Variants in CNST observed in about 807,000 individuals in gnomAD.
CNST encodes the protein consortin.
Under a neutral mutation model 72.4 loss-of-function variants are expected in CNST, and 39 were observed. That is an observed-to-expected ratio of 0.54 (90% CI 0.42 to 0.70). CNST has a LOEUF of 0.70. CNST is among the 30% of genes least tolerant of loss of function. The probability of loss-of-function intolerance (pLI) is 0.00; values close to 1 mark genes in which losing one functional copy is unlikely to be tolerated. For synonymous variants in CNST, 332 were observed against 320.1 expected (o/e 1.04, Z -0.40); for missense variants, 871 against 868.5 (o/e 1.00, Z -0.04).
At chr1:246,605,427 G>T (rs569905462) in intron 2 of CNST, among the ~76,000 whole-genome samples, 5 of 152,368 alleles carry the variant, frequency 3.3e-5, no homozygotes, top group African/African-American at 1.2e-4. Context: ...TCTAATATCA[G>T]TTGGAACCCC....
intron 1 of CNST, among the ~76,000 whole-genome samples, chr1:246,567,591 C>T (rs143775370): frequency 1.8e-3 from 267 of 152,242 alleles, no homozygotes; most frequent in African/African-American, 6.1e-3. Context: ...ATGTATCACC[C>T]AGCAAATAGT....
intron 1 of CNST, among the ~76,000 whole-genome samples, chr1:246,590,488 G>A (rs533237314): frequency 2.0e-5 from 3 of 152,226 alleles, no homozygotes; most frequent in African/African-American, 7.2e-5. Flanking sequence ...TGGGAGAGAG[G>A]AGGGCAGCAG....
intron 2 of CNST, among the ~76,000 whole-genome samples, chr1:246,612,891 T>A (rs369723702): frequency 2.6e-5 from 4 of 152,016 alleles, no homozygotes; most frequent in African/African-American, 7.2e-5. Context: ...TCTCAAAAAA[T>A]ATATATATAA....
rs567901296 is a variant in CNST, at chr1:246,639,017, G to A, written c.819-2732G>A. On this transcript the variant is annotated intron_variant, in intron 6 of 10. Transcript: ENST00000366513. ...GTTGAATAAACTGTTAGGTTGGCAC[G>A]AAGGGATAGTTTTAGGCTTCCAAGG... 9.6e-4 allele frequency among the ~76,000 whole-genome samples: 146 copies of A among 152,272 alleles called. 1 individual carries two copies. The highest frequency in any genetic ancestry group is 2.9e-3 in the African/African-American group (121 of 41,572).
At chr1:246,660,979 G>GTT (rs913341126) in intron 10 of CNST, among the ~76,000 whole-genome samples, 1 of 146,178 alleles carries the variant, frequency 6.8e-6, no homozygotes, top group Non-Finnish European at 1.5e-5. Context: ...TTGTTTTTTT[G>GTT]TTTTTTTTTT....
chr1:246,644,274 A>G (rs1558584596), intron 8 of CNST, among the ~76,000 whole-genome samples: 1 of 151,486 alleles, frequency 6.6e-6, no homozygotes, highest in Non-Finnish European at 1.5e-5. Context: ...CTGTAGTCCC[A>G]GCTGCTGGAG....
At position 246,621,435 on chromosome 1, in the gene CNST, T is replaced by C; in HGVS notation, c.386T>C (p.Phe129Ser). The part of the protein sequence containing the change: ...GTAKKIPPGL[F>S]SGDIAPLMQE... ...TTTTCTTTACTTCTTAAAGGACTTT[T>C]TTCAGGAGATATTGCACCTTTAATG... The change falls in exon 3 of 11, where the codon TTT becomes TCT. Residue 129 changes from phenylalanine to serine, a missense_variant. By Grantham distance (155) the Phe-to-Ser change is radical. Coordinates refer to ENST00000366513, the MANE Select transcript of CNST (RefSeq NM_152609.3). 6.2e-7 allele frequency: 1 copy of C among 1,612,802 alleles called. No homozygotes were observed.
intron 10 of CNST, among the ~76,000 whole-genome samples, chr1:246,662,726 A>G (rs916188823): frequency 2.6e-5 from 4 of 152,220 alleles, no homozygotes; most frequent in Non-Finnish European, 5.9e-5. Context: ...AACCCAGTAC[A>G]TAAAAATTAT....
intron 2 of CNST, among the ~76,000 whole-genome samples, chr1:246,602,208 A>C (rs1187884549): frequency 1.3e-5 from 2 of 152,202 alleles, no homozygotes; most frequent in Non-Finnish European, 2.9e-5. Flanking sequence ...AAAAGCAGAA[A>C]ATTGAAGAAT....
At chr1:246,658,816 G>C (rs1666906721) in intron 9 of CNST, among the ~76,000 whole-genome samples, 1 of 152,182 alleles carries the variant, frequency 6.6e-6, no homozygotes, top group Admixed American at 6.5e-5. Context: ...CCTACAGCTT[G>C]TAGCAATCAG....
chr1:246,592,572 C>G (rs1293191710), intron 2 of CNST, among the ~76,000 whole-genome samples: 3 of 152,218 alleles, frequency 2.0e-5, no homozygotes, highest in Non-Finnish European at 4.4e-5. Context: ...GCAGCCTCCT[C>G]TCCCTCCTTT....
At chr1:246,616,419 T>G (rs1663694359) in intron 2 of CNST, among the ~76,000 whole-genome samples, 1 of 151,962 alleles carries the variant, frequency 6.6e-6, no homozygotes, top group Non-Finnish European at 1.5e-5. Context: ...TCATCCGGGC[T>G]TGGTGGTGTG....
intron 2 of CNST, among the ~76,000 whole-genome samples, chr1:246,616,916 A>T (rs1324943856): frequency 1.3e-5 from 2 of 151,844 alleles, no homozygotes; most frequent in Non-Finnish European, 1.5e-5. Flanking sequence ...AATAATAAAA[A>T]TTTTTTGAAA....
chr1:246,653,950 G>A (rs1259466725), intron 9 of CNST, among the ~76,000 whole-genome samples: 1 of 152,122 alleles, frequency 6.6e-6, no homozygotes, highest in African/African-American at 2.4e-5. Flanking sequence ...AGGTTTCCAC[G>A]CCTTGTCTGG....
intron 1 of CNST, 193 bp downstream of exon 1, chr1:246,566,856 A>G (rs983732277): frequency 7.6e-6 from 3 of 392,400 alleles, no homozygotes; most frequent in Non-Finnish European, 1.3e-5. Flanking sequence ...CTCCTTTCTC[A>G]GCTACTGTGG....
At chr1:246,633,042 G>A (rs1238345543) in intron 4 of CNST, among the ~76,000 whole-genome samples, 2 of 152,204 alleles carry the variant, frequency 1.3e-5, no homozygotes, top group African/African-American at 4.8e-5. Flanking sequence ...TGACTCCGCA[G>A]CAGACATTCC....
chr1:246,630,398 T>G (rs1664703424), intron 3 of CNST, among the ~76,000 whole-genome samples: 1 of 152,236 alleles, frequency 6.6e-6, no homozygotes, highest in Non-Finnish European at 1.5e-5. Context: ...AAAAATCAGT[T>G]TGTCCCTTGC....
chr1:246,630,006 A>G (rs925973467), intron 3 of CNST, among the ~76,000 whole-genome samples: 2 of 152,362 alleles, frequency 1.3e-5, no homozygotes, highest in Admixed American at 6.5e-5. Context: ...TGCTGGGATT[A>G]TAAGCATGAG....
intron 6 of CNST, among the ~76,000 whole-genome samples, chr1:246,638,985 G>A (rs1665495055): frequency 6.6e-6 from 1 of 152,124 alleles, no homozygotes; most frequent in Non-Finnish European, 1.5e-5. Context: ...TGTCTTTGAT[G>A]TTATGGGTTG....
Sources: allele counts gnomAD v4.1 joint callset (sites outside exome capture counted in the v4.1 genomes callset), GRCh38; gene constraint gnomAD v4.1.1; transcripts MANE v1.5; gene names NCBI Gene and HGNC (gene_info 2026-07-23, HGNC 2026-07-21).